Variants in RBMS3 observed in about 807,000 individuals in gnomAD.
The protein encoded by RBMS3 is RNA binding motif single stranded interacting protein 3, also known as RNA-binding motif, single-stranded-interacting protein 3.
RBMS3 carries 27 observed loss-of-function variants against 66.8 expected under a neutral mutation model. The observed-to-expected ratio is 0.40, with a 90% CI of 0.30 to 0.56. The LOEUF (loss-of-function observed/expected upper bound fraction) is 0.56. Among genes scored for constraint, RBMS3 ranks in the 20% least tolerant of loss-of-function variants. The pLI is 0.40. For synonymous variants in RBMS3, 188 were observed against 183.0 expected (o/e 1.03, Z -0.22); for missense variants, 513 against 549.5 (o/e 0.93, Z 0.66).
intron 5 of RBMS3, among the ~76,000 whole-genome samples, chr3:29,747,442 AT>A (rs1459223624): frequency 7.2e-6 from 1 of 139,572 alleles, no homozygotes; most frequent in African/African-American, 2.7e-5. Flanking sequence ...AGATAGATAG[AT>A]AGATAGATGT....
chr3:29,642,696 G>A (rs1286986403), intron 4 of RBMS3: 5 of 152,016 alleles, frequency 3.3e-5, no homozygotes, highest in Non-Finnish European at 7.4e-5. Context: ...ATTCTCTTCT[G>A]GATGGTCTCC....
At chr3:29,613,582 A>G (rs914447772) in intron 4 of RBMS3, among the ~76,000 whole-genome samples, 1 of 152,140 alleles carries the variant, frequency 6.6e-6, no homozygotes, top group Non-Finnish European at 1.5e-5. Flanking sequence ...TTTAAAATAT[A>G]TGGAATATCA....
chr3:29,763,365 G>T (rs2055778820), intron 6 of RBMS3, among the ~76,000 whole-genome samples: 1 of 152,030 alleles, frequency 6.6e-6, no homozygotes, highest in African/African-American at 2.4e-5. Context: ...ATTGATGCCA[G>T]CCCTGAAACA....
chr3:29,497,387 C>T (rs1465108121), intron 3 of RBMS3, among the ~76,000 whole-genome samples: 5 of 152,160 alleles, frequency 3.3e-5, no homozygotes, highest in African/African-American at 7.2e-5. Context: ...ATTACTTTCA[C>T]CCGTAAACCG....
intron 4 of RBMS3, among the ~76,000 whole-genome samples, chr3:29,638,939 A>G (rs956409709): frequency 6.6e-6 from 1 of 151,876 alleles, no homozygotes; most frequent in Admixed American, 6.6e-5. Flanking sequence ...AAATATTAGA[A>G]AATATTTTGA....
At chr3:29,506,588 C>T (rs367843296) in intron 3 of RBMS3, among the ~76,000 whole-genome samples, 1 of 151,854 alleles carries the variant, frequency 6.6e-6, no homozygotes, top group Non-Finnish European at 1.5e-5. Flanking sequence ...AAATGCTGGC[C>T]CTATAAAATG....
intron 1 of RBMS3, among the ~76,000 whole-genome samples, chr3:29,360,546 G>A (rs996304448): frequency 6.6e-6 from 1 of 152,000 alleles, no homozygotes; most frequent in Non-Finnish European, 1.5e-5. Context: ...GAAGAGTTCT[G>A]TAGATGTCTA....
At chr3:29,912,810 G>C (rs2149635771) in intron 10 of RBMS3, among the ~76,000 whole-genome samples, 1 of 152,090 alleles carries the variant, frequency 6.6e-6, no homozygotes, top group Admixed American at 6.6e-5. Context: ...TGTTTATTTA[G>C]TCTGAGCCAG....
chr3:29,411,139 T>C (rs545960963), intron 1 of RBMS3, among the ~76,000 whole-genome samples: 33 of 152,356 alleles, frequency 2.2e-4, no homozygotes, highest in African/African-American at 7.7e-4. Context: ...AGCTATCCTT[T>C]GATATCTGAT....
Position 29,812,264 on chromosome 3 carries a change from G to A in RBMS3, c.637+49275G>A, listed in dbSNP as rs367754737. Among the ~76,000 whole-genome samples, 14 of 152,268 alleles carry A rather than the reference G, an allele frequency of 9.2e-5. No homozygotes were observed. The East Asian group carries it at 2.7e-3, about 29-fold the overall frequency. ...ATAAGAATAGGTCATAGAGAAAAGA[G>A]AAGGGAGGGATTGGTTAAAAGATAT... On this transcript the variant is annotated intron_variant, in intron 6 of 14. Coordinates refer to ENST00000383767, the MANE Select transcript of RBMS3 (RefSeq NM_001003793.3).
rs2058838406 is a variant in RBMS3, at chr3:29,848,214, T to C, written c.638-20644T>C. 2.0e-5 allele frequency among the ~76,000 whole-genome samples: 3 copies of C among 152,180 alleles called. No homozygotes were observed. In the South Asian group the frequency reaches 6.2e-4, roughly 31 times the overall value. On this transcript the variant is annotated intron_variant, in intron 6 of 14. Coordinates refer to ENST00000383767, the MANE Select transcript of RBMS3 (RefSeq NM_001003793.3). Reference sequence around the variant, plus strand: ...GCCTATGTGAGGTTTCACACAGCAGTCAGCCAGCGCACCTGGACAGTCAGG... The same window carrying C: ...GCCTATGTGAGGTTTCACACAGCAGCCAGCCAGCGCACCTGGACAGTCAGG...
chr3:29,374,383 TAAA>T (rs1429842527), intron 1 of RBMS3, among the ~76,000 whole-genome samples: 1 of 152,202 alleles, frequency 6.6e-6, no homozygotes, highest in Non-Finnish European at 1.5e-5. Flanking sequence ...GAGCCAATAT[TAAA>T]AGTTACATCA....
chr3:29,439,131 A>G (rs937633593), intron 2 of RBMS3, among the ~76,000 whole-genome samples: 10 of 152,336 alleles, frequency 6.6e-5, no homozygotes, highest in East Asian at 1.9e-4. Context: ...CCACGTGACT[A>G]TAGCAGAGAG....
chr3:29,750,368 G>A (rs2055118571), intron 5 of RBMS3, among the ~76,000 whole-genome samples: 1 of 152,112 alleles, frequency 6.6e-6, no homozygotes. Context: ...ATGACAAAAA[G>A]AGTAGCCATG....
At chr3:29,793,451 A>G (rs2149430869) in intron 6 of RBMS3, among the ~76,000 whole-genome samples, 1 of 152,344 alleles carries the variant, frequency 6.6e-6, no homozygotes, top group African/African-American at 2.4e-5. Flanking sequence ...TGAATAATAA[A>G]AAAGCATGTC....
chr3:29,868,141 C>T (rs1436832713), intron 6 of RBMS3, among the ~76,000 whole-genome samples: 1 of 152,154 alleles, frequency 6.6e-6, no homozygotes, highest in East Asian at 1.9e-4. Flanking sequence ...AAGAGAAGTT[C>T]AGACATCAGT....
At chr3:29,845,912 T>G (rs1425207424) in intron 6 of RBMS3, among the ~76,000 whole-genome samples, 3 of 152,136 alleles carry the variant, frequency 2.0e-5, no homozygotes, top group African/African-American at 7.2e-5. Flanking sequence ...AGAGGAAAGA[T>G]TTCCTTTCTG....
At chr3:29,335,816 T>C (rs1255534827) in intron 1 of RBMS3, among the ~76,000 whole-genome samples, 2 of 152,198 alleles carry the variant, frequency 1.3e-5, no homozygotes, top group African/African-American at 4.8e-5. Context: ...TATCTTTTTC[T>C]CTCTTCCCTC....
intron 1 of RBMS3, among the ~76,000 whole-genome samples, chr3:29,426,604 C>A (rs1169587653): frequency 6.6e-6 from 1 of 152,184 alleles, no homozygotes; most frequent in African/African-American, 2.4e-5. Context: ...TGCTTTGAAA[C>A]CAATTAGCCA....
Sources: allele counts gnomAD v4.1 joint callset (sites outside exome capture counted in the v4.1 genomes callset), GRCh38; gene constraint gnomAD v4.1.1; transcripts MANE v1.5; gene names NCBI Gene and HGNC (gene_info 2026-07-23, HGNC 2026-07-21).